The following CPA4 variants were observed in gnomAD, a reference collection of about 807,000 sequenced individuals.
CPA4 encodes carboxypeptidase A4.
CPA4 carries 49 observed loss-of-function variants against 54.7 expected under a neutral mutation model. The observed-to-expected ratio is 0.90, with a 90% CI of 0.71 to 1.14. The LOEUF (loss-of-function observed/expected upper bound fraction) is 1.14. Ranked by LOEUF, CPA4 falls within the 50% of genes most tolerant of loss-of-function variation. CPA4 has a pLI of 0.00. For synonymous variants in CPA4, 215 were observed against 206.8 expected, an observed-to-expected ratio of 1.04 and a Z score of -0.34; for missense variants, 487 against 525.1, an observed-to-expected ratio of 0.93 and a Z score of 0.71.
chr7:130,309,521 A>T lies in CPA4; in HGVS notation c.793+1124A>T, dbSNP rs377471147. ...AGAGAATTAGGAGACCTGGGCTCTG[A>T]GTGCCAGCGATTTAAAAACCACCCT... On this transcript the variant is annotated intron_variant, in intron 8 of 10. Coordinates refer to ENST00000222482, the MANE Select transcript of CPA4 (RefSeq NM_016352.4). Among the ~76,000 whole-genome samples the T allele has an allele frequency of 3.3e-5, 5 of 152,316 alleles. No homozygotes were observed. The South Asian group carries it at 6.2e-4, about 19-fold the overall frequency.
intron 3 of CPA4, among the ~76,000 whole-genome samples, chr7:130,300,243 T>C (rs1793717527): frequency 6.6e-6 from 1 of 152,092 alleles, no homozygotes; most frequent in African/African-American, 2.4e-5. Context: ...ACAGAGTTCA[T>C]ACTATAGGAT....
chr7:130,297,595 C>T (rs1793670472), intron 1 of CPA4, among the ~76,000 whole-genome samples: 1 of 152,128 alleles, frequency 6.6e-6, no homozygotes, highest in African/African-American at 2.4e-5. Context: ...CACTGGAGAG[C>T]CCCTAGAACC....
rs1034879865 is a variant in CPA4 at position 130,323,801 on chromosome 7, C to G, written c.*1125C>G. The G allele has an allele frequency of 6.6e-6, 1 of 152,250 alleles. No individual in the cohort carries two copies. Among genetic ancestry groups the G allele is most frequent in the Non-Finnish European group, 1.5e-5 (1 of 68,104 alleles). 9.4% of individuals were successfully genotyped at this position (152,250 alleles called of 1,614,324 possible). Reference sequence around the variant, plus strand: ...CTTCAAAGATCTAGGCCTCATCTTACAGGTCCTAAATCACTCATCTGGCCT... The same window carrying G: ...CTTCAAAGATCTAGGCCTCATCTTAGAGGTCCTAAATCACTCATCTGGCCT... On this transcript the variant is annotated 3_prime_UTR_variant, in exon 11 of 11. Coordinates refer to ENST00000222482, the MANE Select transcript of CPA4 (RefSeq NM_016352.4).
rs1249548992 is a variant in CPA4 at position 130,308,850 on chromosome 7, C to CTTTTTTTTTTTTT, written c.793+456_793+468dup. On this transcript the variant is annotated intron_variant, in intron 8 of 10. Coordinates refer to ENST00000222482, the MANE Select transcript of CPA4 (RefSeq NM_016352.4). The stretch of plus-strand genomic sequence containing the variant: ...ATAGCCGTAAGCCACCTAGCCCAGC[C>CTTTTTTTTTTTTT]TTTTTTTTTTTTTTTGAGACAGAGT... Among the ~76,000 whole-genome samples the CTTTTTTTTTTTTT allele has an allele frequency of 2.2e-3, 262 of 120,248 alleles. 15 individuals carry two copies. Among genetic ancestry groups the CTTTTTTTTTTTTT allele is most frequent in the African/African-American group, 8.7e-3 (245 of 28,060 alleles). 78.9% of individuals were successfully genotyped at this position (120,248 alleles called of 152,430 possible). A position where few individuals can be genotyped will look rare whatever the true frequency, so the allele number is the denominator to read the frequency against.
intron 10 of CPA4, among the ~76,000 whole-genome samples, chr7:130,317,506 A>G (rs942562820): frequency 6.6e-6 from 1 of 152,234 alleles, no homozygotes; most frequent in Non-Finnish European, 1.5e-5. Flanking sequence ...TCTCTGGTCC[A>G]GTCTGGAGTG....
intron 10 of CPA4, among the ~76,000 whole-genome samples, chr7:130,319,336 G>A (rs962675308): frequency 2.0e-5 from 3 of 152,192 alleles, no homozygotes; most frequent in African/African-American, 7.2e-5. Context: ...TGTGACATAT[G>A]CCTTCCTCCA....
chr7:130,293,372 G>T, intron 1 of CPA4, 124 bp downstream of exon 1: 3 of 714,538 alleles, frequency 4.2e-6, no homozygotes, highest in Non-Finnish European at 7.6e-6. Flanking sequence ...TTCCAGCTTT[G>T]CCCCTGTGTC....
intron 10 of CPA4, 44 bp downstream of exon 10, chr7:130,312,166 G>A (rs747430473): frequency 2.8e-6 from 4 of 1,420,056 alleles, no homozygotes; most frequent in African/African-American, 2.8e-5. Flanking sequence ...AGCACTTTGA[G>A]AGGAAACTTG....
At chr7:130,295,970 G>A (rs1163180739) in intron 1 of CPA4, among the ~76,000 whole-genome samples, 4 of 152,084 alleles carry the variant, frequency 2.6e-5, no homozygotes, top group South Asian at 2.1e-4. Context: ...GGCAACAAGA[G>A]CAAAAACTCC....
intron 4 of CPA4, among the ~76,000 whole-genome samples, chr7:130,304,009 A>G (rs1008994977): frequency 6.6e-6 from 1 of 151,106 alleles, no homozygotes; most frequent in African/African-American, 2.4e-5. Flanking sequence ...TCCCTCTTCC[A>G]TATTTTTTAT....
intron 6 of CPA4, 40 bp downstream of exon 6, chr7:130,305,960 C>A: frequency 2.0e-6 from 3 of 1,519,538 alleles, no homozygotes; most frequent in South Asian, 1.1e-5. Context: ...CTGATGGTGC[C>A]GGGGTGCCCC....
At position 130,312,172 on chromosome 7, in the gene CPA4, A is replaced by T. The variant is rs771132610; in HGVS notation, c.1078+50A>T. 3 of 1,366,278 alleles carry T rather than the reference A, an allele frequency of 2.2e-6. No individual in the cohort carries two copies. The East Asian group carries it at 6.9e-5, about 31-fold the overall frequency. 84.6% of individuals were successfully genotyped at this position (1,366,278 alleles called of 1,614,324 possible). On this transcript the variant is annotated intron_variant, in intron 10 of 10. Transcript: ENST00000222482. ...TATTTAGAAAGCACTTTGAGAGGAA[A>T]CTTGAAATGGAGTGGGAGGAGGGCT...
Position 130,300,915 on chromosome 7 carries a change from G to GT in CPA4, c.384+2dup. ...CGGGGCTTACCATTCCCTGGAAGCT[G>GT]TAAGTGTTTCAGAGTGGGTTAAGAT... On this transcript the variant is annotated splice_donor_variant, in intron 4 of 10. Transcript: ENST00000222482. LOFTEE classifies it high-confidence loss of function. The GT allele has an allele frequency of 6.2e-7, 1 of 1,602,142 alleles. No individual in the cohort carries two copies. Among genetic ancestry groups the GT allele is most frequent in the Non-Finnish European group, 8.6e-7 (1 of 1,169,048 alleles).
At chr7:130,318,557 A>T (rs1330802972) in intron 10 of CPA4, among the ~76,000 whole-genome samples, 2 of 152,082 alleles carry the variant, frequency 1.3e-5, no homozygotes, top group Non-Finnish European at 2.9e-5. Context: ...GATTATAGGC[A>T]TGTGCCCCAC....
In CPA4 at chr7:130,322,742, A is replaced by T; in HGVS notation, c.*66A>T. 2.0e-6 allele frequency: 3 copies of T among 1,497,628 alleles called. No individual in the cohort carries two copies. The highest frequency in any genetic ancestry group is 2.7e-6 in the Non-Finnish European group (3 of 1,103,938). The allele number at this position is 1,497,628 out of a possible 1,614,324, so 92.8% of individuals were successfully genotyped here. ...GTGCACGCACTGAGGCCATTGTTAA[A>T]GGAGCTCTTTCCTACCTGTGTGAGT... On this transcript the variant is annotated 3_prime_UTR_variant, in exon 11 of 11. Transcript: ENST00000222482.
intron 1 of CPA4, among the ~76,000 whole-genome samples, chr7:130,298,229 C>T (rs568291309): frequency 2.6e-5 from 4 of 152,332 alleles, no homozygotes; most frequent in East Asian, 1.9e-4. Context: ...ATGGAGGTTC[C>T]GTCAGGGTTT....
Position 130,305,839 on chromosome 7 carries a change from G to A in CPA4, c.510G>A (p.Arg170=), listed in dbSNP as rs923191050. The A allele has an allele frequency of 1.4e-5, 23 of 1,614,076 alleles. No homozygotes were observed. Among genetic ancestry groups the A allele is most frequent in the Non-Finnish European group, 1.5e-5 (18 of 1,180,044 alleles). ...AGTTCAGCACTGGGAAAGGCGTGAG[G>A]CGGCCGGCCGTTTGGCTGAATGCAG... is the stretch of plus-strand genomic sequence containing the variant. The part of the protein sequence containing the change: ...VLKFSTGKGV[R]RPAVWLNAGI... Residue 170 remains arginine, a synonymous_variant, in exon 6 of 11, where the codon AGG becomes AGA. Coordinates refer to ENST00000222482, the MANE Select transcript of CPA4 (RefSeq NM_016352.4).
chr7:130,297,138 A>G (rs1324360734), intron 1 of CPA4, among the ~76,000 whole-genome samples: 1 of 151,712 alleles, frequency 6.6e-6, no homozygotes, highest in Non-Finnish European at 1.5e-5. Flanking sequence ...ATTTTTTTGT[A>G]GAGGCAAAGT....
chr7:130,298,151 C>A (rs1180336504), intron 1 of CPA4, among the ~76,000 whole-genome samples: 1 of 152,140 alleles, frequency 6.6e-6, no homozygotes, highest in Non-Finnish European at 1.5e-5. Context: ...GAGCGAGCAC[C>A]CAGCCTCGCC....
Sources: allele counts gnomAD v4.1 joint callset (sites outside exome capture counted in the v4.1 genomes callset), GRCh38; gene constraint gnomAD v4.1.1; transcripts MANE v1.5; gene names NCBI Gene and HGNC (gene_info 2026-07-23, HGNC 2026-07-21).